GBF1: variants seen among roughly 807,000 people sequenced by gnomAD.
GBF1 encodes golgi brefeldin A resistant guanine nucleotide exchange factor 1, also known as Golgi-specific brefeldin A-resistance guanine nucleotide exchange factor 1.
A neutral mutation model predicts 210.5 loss-of-function variants in GBF1; 114 were observed. That is an observed-to-expected ratio of 0.54 (90% confidence interval 0.47 to 0.63). GBF1 has a LOEUF of 0.63. Ranked by LOEUF, GBF1 falls within the 30% of genes least tolerant of loss-of-function variation. The pLI is 0.00. For missense variants in GBF1, 1,851 were observed against 2,357.7 expected (o/e 0.79, Z 4.45); for synonymous variants, 850 against 889.2 (o/e 0.96, Z 0.78).
At chr10:102,263,720 A>C (rs527503534) in intron 3 of GBF1, among the ~76,000 whole-genome samples, 203 of 152,332 alleles carry the variant, frequency 1.3e-3, no homozygotes, top group African/African-American at 4.8e-3. Context: ...GACCACATTT[A>C]CAGTCAGTAT....
In GBF1 at chr10:102,370,646, G is replaced by A. The variant is rs1159016691; in HGVS notation, c.3507-61G>A. 4 of 1,547,142 alleles carry A rather than the reference G, an allele frequency of 2.6e-6. No individual in the cohort carries two copies. The Admixed American group carries it at 6.7e-5, about 26-fold the overall frequency. ...ACCAATGAGTCCTGAAAGGCCTAGG[G>A]GACCTGTTGCCCAGTGGCCCCTCTG... On this transcript the variant is annotated intron_variant, in intron 28 of 39. Coordinates refer to ENST00000369983, the MANE Select transcript of GBF1 (RefSeq NM_001377137.1).
At chr10:102,373,503 G>A (rs1395615604) in intron 29 of GBF1, among the ~76,000 whole-genome samples, 1 of 152,252 alleles carries the variant, frequency 6.6e-6, no homozygotes, top group Non-Finnish European at 1.5e-5. Context: ...TTGAACGCAG[G>A]AGGTTGCAGT....
chr10:102,368,195 C>T (rs1040138682), intron 21 of GBF1, 23 bp from the exon 22 acceptor site: 5 of 1,516,296 alleles, frequency 3.3e-6, no homozygotes, highest in Non-Finnish European at 4.6e-6. Context: ...AGTGCAACTG[C>T]TCCTTCCCTT....
At chr10:102,230,791 C>T in the GBF1 span, 79 of 1,547,878 alleles carry the variant, frequency 5.1e-5, 4 homozygotes, top group Non-Finnish European at 5.2e-6. Flanking sequence ...GGCCCCAGGC[C>T]CTGGCACGGT....
At chr10:102,301,688 C>A (rs1171936890) in intron 3 of GBF1, among the ~76,000 whole-genome samples, 1 of 151,550 alleles carries the variant, frequency 6.6e-6, no homozygotes, top group Non-Finnish European at 1.5e-5. Flanking sequence ...CAGAGGCGCT[C>A]CCCACATCTC....
chr10:102,348,532 A>G (rs1374293044), intron 4 of GBF1, among the ~76,000 whole-genome samples: 3 of 152,216 alleles, frequency 2.0e-5, no homozygotes, highest in Admixed American at 6.5e-5. Flanking sequence ...TGGGTTTCCT[A>G]TGTGGGCCCT....
upstream of GBF1, among the ~76,000 whole-genome samples, chr10:102,242,334 C>G (rs569870396): frequency 2.4e-4 from 37 of 152,350 alleles, no homozygotes; most frequent in African/African-American, 8.7e-4. Context: ...CCTGCTGGAT[C>G]TCAGGGCTTG....
At chr10:102,319,613 T>C (rs1042332793) in intron 3 of GBF1, among the ~76,000 whole-genome samples, 1 of 152,190 alleles carries the variant, frequency 6.6e-6, no homozygotes, top group Non-Finnish European at 1.5e-5. Context: ...TATTGGTTAC[T>C]GTCTAGACCT....
At chr10:102,323,029 CACAATT>C (rs1183648858) in intron 3 of GBF1, among the ~76,000 whole-genome samples, 1 of 151,980 alleles carries the variant, frequency 6.6e-6, no homozygotes, top group Non-Finnish European at 1.5e-5. Context: ...TTTATTGTAT[CACAATT>C]TTGTGGGTTG....
chr10:102,317,939 C>T lies in GBF1; in HGVS notation c.164-26112C>T, dbSNP rs375472027. On this transcript the variant is annotated intron_variant, in intron 3 of 39. Coordinates refer to ENST00000369983, the MANE Select transcript of GBF1 (RefSeq NM_001377137.1). ...ATTTATTTATTTTGAGACGGAGTCT[C>T]GCCCTGTCACCCAGGCTGGAGTGCA... 1.6e-4 allele frequency among the ~76,000 whole-genome samples: 24 copies of T among 152,048 alleles called. No homozygotes were observed. In the East Asian group the frequency reaches 4.5e-3, roughly 28 times the overall value.
chr10:102,325,953 A>G (rs1317017361), intron 3 of GBF1, among the ~76,000 whole-genome samples: 1 of 152,164 alleles, frequency 6.6e-6, no homozygotes, highest in African/African-American at 2.4e-5. Context: ...CCCAGCCTAC[A>G]CTTATAAGAG....
In GBF1 at chr10:102,361,895, A is replaced by G. The variant is rs1305246984; in HGVS notation, c.1669A>G (p.Thr557Ala). The stretch of plus-strand genomic sequence containing the variant: ...CTGTTCCAACCTCTTTGAGGAACTC[A>G]CAAAGCTGCTGTCCAAGGTGCTGAG... ...YYCSNLFEEL[T>A]KLLSKNAFPV... The change falls in exon 14 of 40, where the codon ACA becomes GCA. Residue 557 changes from threonine (T) to alanine (A), a missense_variant. Thr to Ala is a moderately conservative substitution (Grantham distance 58). This residue lies in a region of GBF1 where 804 missense variants were observed against 958.6 expected (regional missense o/e 0.84). Coordinates refer to ENST00000369983, the MANE Select transcript of GBF1 (RefSeq NM_001377137.1). 1 of 1,604,866 alleles carries G rather than the reference A, an allele frequency of 6.2e-7. No individual in the cohort carries two copies. Among genetic ancestry groups the G allele is most frequent in the East Asian group, 2.2e-5 (1 of 44,686 alleles).
chr10:102,349,599 G>A (rs1162932769), intron 4 of GBF1, among the ~76,000 whole-genome samples: 24 of 151,996 alleles, frequency 1.6e-4, no homozygotes, highest in Non-Finnish European at 5.9e-5. Flanking sequence ...TAAAATTAGG[G>A]GGTGTTCCTG....
chr10:102,313,243 A>G (rs1236442643), intron 3 of GBF1, among the ~76,000 whole-genome samples: 1 of 152,198 alleles, frequency 6.6e-6, no homozygotes. Flanking sequence ...GGCACTAACT[A>G]CAAGTTTCAT....
chr10:102,367,610 T>TG, intron 21 of GBF1, 50 bp downstream of exon 21: 3 of 1,063,096 alleles, frequency 2.8e-6, no homozygotes, highest in South Asian at 1.3e-5. Context: ...AAGAAGCACA[T>TG]TGCTTCCTTT....
At chr10:102,253,204 T>C (rs2071833239) in intron 1 of GBF1, among the ~76,000 whole-genome samples, 1 of 152,150 alleles carries the variant, frequency 6.6e-6, no homozygotes, top group Admixed American at 6.5e-5. Context: ...CGAGGGGCTA[T>C]TTTAGACAAA....
the GBF1 span, among the ~76,000 whole-genome samples, chr10:102,235,739 C>T: frequency 6.6e-6 from 1 of 152,180 alleles, no homozygotes; most frequent in African/African-American, 2.4e-5. Flanking sequence ...TCTGCCCTTC[C>T]TTGAGTGAGT....
In GBF1 at chr10:102,260,325, T is replaced by G. The variant is rs2073027684; in HGVS notation, c.163+209T>G. Reference sequence around the variant, plus strand: ...ATAAATAAATGAGAAATATATATTTTCTTTTTGTTTATTTCATAGAGACAG... The same window carrying G: ...ATAAATAAATGAGAAATATATATTTGCTTTTTGTTTATTTCATAGAGACAG... On this transcript the variant is annotated intron_variant, in intron 3 of 39. Coordinates refer to ENST00000369983, the MANE Select transcript of GBF1 (RefSeq NM_001377137.1). Among the ~76,000 whole-genome samples the G allele has an allele frequency of 3.3e-5, 5 of 152,166 alleles. No homozygotes were observed. The South Asian group carries it at 8.3e-4, about 25-fold the overall frequency.
At chr10:102,248,957 A>C (rs555075785) in intron 1 of GBF1, among the ~76,000 whole-genome samples, 1 of 152,310 alleles carries the variant, frequency 6.6e-6, no homozygotes, top group East Asian at 1.9e-4. Flanking sequence ...TAGAAGAGCC[A>C]ACTGCTCCTT....
Sources: gnomAD v4.1 joint callset for allele counts (sites outside exome capture counted in the v4.1 genomes callset) on GRCh38, gnomAD v4.1.1 for gene constraint, gnomAD v4.1.1 regional missense constraint, MANE v1.5 for transcripts, NCBI Gene and HGNC (gene_info 2026-07-23, HGNC 2026-07-21) for gene names.